The following P3H2 variants were observed in gnomAD, a reference collection of about 807,000 sequenced individuals.
The protein encoded by P3H2 is leprecan-like 1.
In P3H2, 80 loss-of-function variants were observed where a neutral mutation model predicts 87.0. That is an observed-to-expected ratio of 0.92 (90% CI 0.77 to 1.11). P3H2 has a LOEUF of 1.11. P3H2 is among the 50% of genes least tolerant of loss of function. P3H2 has a pLI of 0.00. For synonymous variants in P3H2, 367 were observed against 359.3 expected, an observed-to-expected ratio of 1.02 and a Z score of -0.24; for missense variants, 1,001 against 923.9, an observed-to-expected ratio of 1.08 and a Z score of -1.08.
intron 1 of P3H2, among the ~76,000 whole-genome samples, chr3:190,082,390 A>G (rs1269152711): frequency 2.0e-5 from 3 of 152,080 alleles, no homozygotes; most frequent in Non-Finnish European, 4.4e-5. Context: ...CTCATCTATA[A>G]AAAAAGACTA....
At chr3:190,062,561 T>C (rs1726365920) in intron 1 of P3H2, among the ~76,000 whole-genome samples, 1 of 152,176 alleles carries the variant, frequency 6.6e-6, no homozygotes, top group Non-Finnish European at 1.5e-5. Context: ...GTGGACTTAA[T>C]AGGTGTCCAG....
rs1376455504 is a variant in P3H2, at chr3:189,974,774, G to T, written c.1325-89C>A. ...CCAAACAGCTTTCAATGTGCAATTC[G>T]AGTGAGTCCATTTCTTCATGAATAT... On this transcript the variant is annotated intron_variant, in intron 8 of 14. Coordinates refer to ENST00000319332, the MANE Select transcript of P3H2 (RefSeq NM_018192.4). 5 of 1,500,244 alleles carry T rather than the reference G, an allele frequency of 3.3e-6. No homozygotes were observed. In the African/African-American group the frequency reaches 6.9e-5, roughly 21 times the overall value. 92.9% of individuals were successfully genotyped at this position (1,500,244 alleles called of 1,614,324 possible).
At chr3:189,984,695 A>G in intron 6 of P3H2, 105 bp from the exon 7 acceptor site, 1 of 807,738 alleles carries the variant, frequency 1.2e-6, no homozygotes, top group Non-Finnish European at 2.1e-6. Context: ...CAAAAGATCT[A>G]TAATTTAGGA....
rs192245388 is a variant in P3H2 at position 190,075,845 on chromosome 3, A to G, written c.480+44407T>C. Among the ~76,000 whole-genome samples, 113 of 152,336 alleles carry G rather than the reference A, an allele frequency of 7.4e-4. 1 individual carries two copies. The highest frequency in any genetic ancestry group is 2.6e-3 in the African/African-American group (108 of 41,590). ...AAGACAGTCACATCTGTGTCTACAGAGGACTCACTACAGGTTGTATTTTAG... is the reference window on the plus strand; with the variant it reads ...AAGACAGTCACATCTGTGTCTACAGGGGACTCACTACAGGTTGTATTTTAG... On this transcript the variant is annotated intron_variant, in intron 1 of 14. Transcript: ENST00000319332.
intron 1 of P3H2, among the ~76,000 whole-genome samples, chr3:189,999,179 T>C (rs1174367873): frequency 1.3e-5 from 2 of 152,248 alleles, no homozygotes; most frequent in Non-Finnish European, 2.9e-5. Context: ...TCCGTAGCTC[T>C]TGAAAACAGT....
chr3:190,095,613 T>TC, intron 1 of P3H2, among the ~76,000 whole-genome samples: 1 of 146,750 alleles, frequency 6.8e-6, no homozygotes, highest in Non-Finnish European at 1.5e-5. Context: ...TTTTTTTTTT[T>TC]CCTTTAAAAC....
intron 1 of P3H2, among the ~76,000 whole-genome samples, chr3:190,074,177 T>A (rs1726793634): frequency 6.6e-6 from 1 of 152,166 alleles, no homozygotes; most frequent in African/African-American, 2.4e-5. Context: ...AATCTTGAGA[T>A]CCCATTTATT....
intron 1 of P3H2, among the ~76,000 whole-genome samples, chr3:190,022,875 C>G (rs543800710): frequency 7.9e-5 from 12 of 152,074 alleles, no homozygotes; most frequent in South Asian, 2.1e-4. Flanking sequence ...TGCCCAGGCC[C>G]GAGTGCAGTG....
At chr3:190,040,765 A>T (rs930682368) in intron 1 of P3H2, among the ~76,000 whole-genome samples, 4 of 151,986 alleles carry the variant, frequency 2.6e-5, no homozygotes, top group African/African-American at 9.7e-5. Flanking sequence ...TATGCAAAAA[A>T]TGAGCTGATT....
chr3:190,090,557 G>A (rs1727375363), intron 1 of P3H2, among the ~76,000 whole-genome samples: 1 of 152,084 alleles, frequency 6.6e-6, no homozygotes, highest in Admixed American at 6.5e-5. Context: ...CAAAAAATTA[G>A]CTGGGCATGG....
chr3:189,990,378 C>T (rs1723840459), intron 3 of P3H2, among the ~76,000 whole-genome samples: 1 of 152,094 alleles, frequency 6.6e-6, no homozygotes, highest in South Asian at 2.1e-4. Context: ...ACTGTTTTCT[C>T]CTACTCAACT....
At position 190,007,965 on chromosome 3, in the gene P3H2, C is replaced by CACACACACATATATATATATATATATAT; in HGVS notation, c.481-12524_481-12523insATATATATATATATATATATGTGTGTGT. Reference sequence around the variant, plus strand: ...GCCTGAGACTCTATTTGTTGACACACATATATATATATATATATATAGTAA... The same window carrying CACACACACATATATATATATATATATAT: ...GCCTGAGACTCTATTTGTTGACACACACACACACATATATATATATATATATATATATATATATATATATATATAGTAA... On this transcript the variant is annotated intron_variant, in intron 1 of 14. Transcript: ENST00000319332. Among the ~76,000 whole-genome samples, 403 of 94,224 alleles carry CACACACACATATATATATATATATATAT rather than the reference C, an allele frequency of 4.3e-3. 4 individuals are homozygous for CACACACACATATATATATATATATATAT. Among genetic ancestry groups the CACACACACATATATATATATATATATAT allele is most frequent in the Non-Finnish European group, 6.1e-3 (286 of 46,652 alleles). 61.8% of individuals were successfully genotyped at this position (94,224 alleles called of 152,430 possible).
intron 3 of P3H2, among the ~76,000 whole-genome samples, chr3:189,992,917 T>A (rs1723921880): frequency 6.6e-6 from 1 of 152,238 alleles, no homozygotes; most frequent in Non-Finnish European, 1.5e-5. Context: ...TATTTTGCAA[T>A]ACTTTCTATT....
intron 1 of P3H2, among the ~76,000 whole-genome samples, chr3:190,014,187 C>T (rs570180416): frequency 6.6e-6 from 1 of 152,284 alleles, no homozygotes; most frequent in African/African-American, 2.4e-5. Context: ...TCAGCCCAGG[C>T]TTGTTGAACT....
intron 1 of P3H2, among the ~76,000 whole-genome samples, chr3:190,054,172 C>A (rs913264886): frequency 6.6e-6 from 1 of 152,166 alleles, no homozygotes; most frequent in Non-Finnish European, 1.5e-5. Flanking sequence ...CCCTCCACCC[C>A]CACCTATAGT....
chr3:190,099,087 G>A (rs77117144), intron 1 of P3H2, among the ~76,000 whole-genome samples: 10,528 of 151,870 alleles, frequency 0.069, 482 homozygotes, highest in African/African-American at 0.13. Context: ...GTAGATATAA[G>A]AATAATAACA....
chr3:190,121,526 T>C (rs698110), upstream of P3H2: 91,968 of 151,778 alleles, frequency 0.61, 29,397 homozygotes, highest in African/African-American at 0.84. Flanking sequence ...TGGGGAAGGT[T>C]TCTCCCTTAC....
intron 1 of P3H2, among the ~76,000 whole-genome samples, chr3:190,091,290 C>T (rs1028577918): frequency 2.0e-5 from 3 of 152,184 alleles, no homozygotes; most frequent in African/African-American, 4.8e-5. Context: ...TGATATAAAG[C>T]ATTCAGATTG....
rs536785939 is a variant in P3H2, at chr3:190,004,315, C to T, written c.481-8873G>A. Among the ~76,000 whole-genome samples, 13 of 152,330 alleles carry T rather than the reference C, an allele frequency of 8.5e-5. No individual in the cohort carries two copies. In the South Asian group the frequency reaches 2.5e-3, roughly 29 times the overall value. ...AAAGCTAGATGAGCCCTTACCTCTACTTCAGGACCAGCGCAGAAAGTGGCT... is the reference window on the plus strand; with the variant it reads ...AAAGCTAGATGAGCCCTTACCTCTATTTCAGGACCAGCGCAGAAAGTGGCT... On this transcript the variant is annotated intron_variant, in intron 1 of 14. Coordinates refer to ENST00000319332, the MANE Select transcript of P3H2 (RefSeq NM_018192.4).
Sources: allele counts gnomAD v4.1 joint callset (sites outside exome capture counted in the v4.1 genomes callset), GRCh38; gene constraint gnomAD v4.1.1; transcripts MANE v1.5; gene names NCBI Gene and HGNC (gene_info 2026-07-23, HGNC 2026-07-21).